The following UGT1A5 variants were observed in gnomAD, a reference collection of about 807,000 sequenced individuals.
The protein encoded by UGT1A5 is UDP-glucuronosyltransferase 1A5.
A neutral mutation model predicts 40.3 loss-of-function variants in UGT1A5; 29 were observed. The observed-to-expected ratio is 0.72, with a 90% CI of 0.54 to 0.98. The LOEUF (loss-of-function observed/expected upper bound fraction) is 0.98, where lower values mean the gene tolerates loss of function less well. UGT1A5 is among the 50% of genes least tolerant of loss of function. UGT1A5 has a pLI of 0.00. For synonymous variants in UGT1A5, 257 were observed against 262.5 expected, an observed-to-expected ratio of 0.98 and a Z score of 0.20; for missense variants, 678 against 677.9, an observed-to-expected ratio of 1.00 and a Z score of 0.00.
rs537677937 is a variant in UGT1A5, at chr2:233,740,168, A to T, written c.867+26310A>T. On this transcript the variant is annotated intron_variant, in intron 1 of 4. Transcript: ENST00000373414. ...CCTGAGGCCTCCCCAGTCATGTGGA[A>T]CTGTGAGTCAATTAAACCTCTTTCT... Among the ~76,000 whole-genome samples the T allele has an allele frequency of 6.6e-5, 10 of 151,934 alleles. No homozygotes were observed. In the East Asian group the frequency reaches 9.6e-4, roughly 15 times the overall value.
intron 1 of UGT1A5, among the ~76,000 whole-genome samples, chr2:233,722,679 C>T (rs2125688631): frequency 6.6e-6 from 1 of 152,152 alleles, no homozygotes; most frequent in African/African-American, 2.4e-5. Flanking sequence ...GTAAAAATTG[C>T]TGTTCTTTTC....
At chr2:233,765,155 C>T (rs1463454696) in intron 1 of UGT1A5, among the ~76,000 whole-genome samples, 1 of 152,176 alleles carries the variant, frequency 6.6e-6, no homozygotes, top group East Asian at 1.9e-4. Flanking sequence ...TCCTAGGGAA[C>T]CCCTCAGTTT....
At chr2:233,724,616 A>G (rs1272426600) in intron 1 of UGT1A5, among the ~76,000 whole-genome samples, 3 of 132,176 alleles carry the variant, frequency 2.3e-5, no homozygotes, top group Non-Finnish European at 4.8e-5. Flanking sequence ...CCGGGCAGAG[A>G]CGCTCCTCAC....
intron 1 of UGT1A5, among the ~76,000 whole-genome samples, chr2:233,738,182 G>A (rs913308909): frequency 7.9e-5 from 12 of 152,164 alleles, no homozygotes; most frequent in African/African-American, 2.9e-4. Flanking sequence ...TGTAAGACGT[G>A]TCTTTGCCTC....
chr2:233,768,308 G>A lies in UGT1A5; in HGVS notation c.1176G>A (p.Met392Ile), dbSNP rs751355128. 5 of 1,614,188 alleles carry A rather than the reference G, an allele frequency of 3.1e-6. No homozygotes were observed. The highest frequency in any genetic ancestry group is 3.4e-6 in the Non-Finnish European group (4 of 1,180,050). Residue 392 changes from methionine to isoleucine, a missense_variant, in exon 4 of 5, where the codon ATG (methionine) becomes ATA (isoleucine). By Grantham distance (10) the Met-to-Ile change is conservative. Transcript: ENST00000373414. The stretch of plus-strand genomic sequence containing the variant: ...GCAATGGCGTTCCCATGGTGATGAT[G>A]CCCTTGTTTGGTGATCAGATGGACA... ...SICNGVPMVM[M>I]PLFGDQMDNA...
At chr2:233,760,129 C>T (rs1575768749) in intron 1 of UGT1A5, 2 of 1,354,926 alleles carry the variant, frequency 1.5e-6, no homozygotes, top group Non-Finnish European at 2.0e-6. Flanking sequence ...GCTCCACCTT[C>T]TTTATCTCTG....
At chr2:233,757,560 A>ATATATATATATATATATATG (rs904896556) in intron 1 of UGT1A5, among the ~76,000 whole-genome samples, 15 of 123,136 alleles carry the variant, frequency 1.2e-4, no homozygotes, top group African/African-American at 5.1e-4. Context: ...ATATATATAT[A>ATATATATATATATATATATG]TGTATATATG....
At chr2:233,760,837 A>G in intron 1 of UGT1A5, 2 of 1,613,782 alleles carry the variant, frequency 1.2e-6, no homozygotes, top group Non-Finnish European at 1.7e-6. Flanking sequence ...ATTTGAGGCT[A>G]CCCAGTGCCC....
At chr2:233,740,833 TA>T (rs1691486291) in intron 1 of UGT1A5, 1 of 151,930 alleles carries the variant, frequency 6.6e-6, no homozygotes. Context: ...TGAGACATTT[TA>T]AAAGGAGATT....
chr2:233,745,232 C>G (rs1693047388), intron 1 of UGT1A5, among the ~76,000 whole-genome samples: 1 of 151,800 alleles, frequency 6.6e-6, no homozygotes, highest in East Asian at 1.9e-4. Flanking sequence ...AAATACAGCA[C>G]TATTTACTGT....
intron 1 of UGT1A5, among the ~76,000 whole-genome samples, chr2:233,746,869 C>T (rs769029902): frequency 3.3e-5 from 5 of 151,744 alleles, no homozygotes; most frequent in African/African-American, 4.9e-5. Flanking sequence ...GCCTGATAAA[C>T]GTGGTTAACA....
intron 1 of UGT1A5, among the ~76,000 whole-genome samples, chr2:233,722,821 T>C (rs1575543414): frequency 6.6e-6 from 1 of 151,782 alleles, no homozygotes; most frequent in African/African-American, 2.4e-5. Flanking sequence ...TTTCAAGTTA[T>C]TTTGTATTAT....
intron 1 of UGT1A5, among the ~76,000 whole-genome samples, chr2:233,727,887 G>A (rs1352414906): frequency 2.0e-5 from 3 of 152,190 alleles, no homozygotes; most frequent in Non-Finnish European, 4.4e-5. Flanking sequence ...AGCAATGGCA[G>A]ACACGGCCAG....
At chr2:233,755,308 G>C in intron 1 of UGT1A5, 3 of 564,496 alleles carry the variant, frequency 5.3e-6, no homozygotes, top group Non-Finnish European at 8.4e-6. Flanking sequence ...CTGGCACAGC[G>C]AGCGGCAAGG....
Position 233,768,298 on chromosome 2 carries a change from T to A in UGT1A5, c.1166T>A (p.Met389Lys). The A allele has an allele frequency of 6.2e-7, 1 of 1,614,192 alleles. No individual in the cohort carries two copies. Reference protein sequence around the residue: ...VYESICNGVPMVMMPLFGDQM... With the variant: ...VYESICNGVPKVMMPLFGDQM... ...GAAAGCATATGCAATGGCGTTCCCA[T>A]GGTGATGATGCCCTTGTTTGGTGAT... Residue 389 changes from methionine (M) to lysine (K), a missense_variant, in exon 4 of 5, where the codon ATG (methionine) becomes AAG (lysine). Met to Lys is a moderately conservative substitution (Grantham distance 95, BLOSUM62 -1). Transcript: ENST00000373414.
At chr2:233,718,222 C>T (rs1241486785) in intron 1 of UGT1A5, among the ~76,000 whole-genome samples, 1 of 152,182 alleles carries the variant, frequency 6.6e-6, no homozygotes, top group Non-Finnish European at 1.5e-5. Context: ...ACAGCCACTT[C>T]AGAGAGAGTC....
At chr2:233,743,548 C>G in intron 1 of UGT1A5, 6 of 1,367,296 alleles carry the variant, frequency 4.4e-6, no homozygotes, top group Non-Finnish European at 5.9e-6. Flanking sequence ...CTGACCCCCC[C>G]AAAATATTCT....
At chr2:233,749,725 C>T in intron 1 of UGT1A5, among the ~76,000 whole-genome samples, 1 of 151,866 alleles carries the variant, frequency 6.6e-6, no homozygotes, top group East Asian at 1.9e-4. Flanking sequence ...GGCAGTTTCG[C>T]ACCTGCTGGT....
intron 1 of UGT1A5, chr2:233,741,006 G>T (rs1691538713): frequency 6.6e-6 from 1 of 151,750 alleles, no homozygotes; most frequent in Admixed American, 6.6e-5. Context: ...AGGATCACTT[G>T]AGCCCAGGAA....
Sources: allele counts gnomAD v4.1 joint callset (sites outside exome capture counted in the v4.1 genomes callset), GRCh38; gene constraint gnomAD v4.1.1; transcripts MANE v1.5; gene names NCBI Gene and HGNC (gene_info 2026-07-23, HGNC 2026-07-21).